Variants in LPAR4 observed in about 807,000 individuals in gnomAD.
LPAR4 encodes the protein G-protein coupled receptor 23.
LPAR4 carries 14 observed loss-of-function variants against 9.2 expected under a neutral mutation model. That is an observed-to-expected ratio of 1.51 (90% confidence interval 1.00 to 2.37). LPAR4 has a LOEUF of 2.37. Among genes scored for constraint, LPAR4 ranks in the 30% most tolerant of loss-of-function variants. The pLI is 0.00. For missense variants in LPAR4, 251 were observed against 272.1 expected (o/e 0.92, Z 0.55); for synonymous variants, 131 against 97.9 (o/e 1.34, Z -1.99).
chrX:78,749,681 G>A (rs985229311), intron 1 of LPAR4, among the ~76,000 whole-genome samples: 5 of 111,254 alleles, frequency 4.5e-5, no homozygotes, highest in African/African-American at 6.5e-5. Context: ...CTTAGCTTCC[G>A]GTATTAATTA....
In LPAR4 at chrX:78,757,256, G is replaced by A. The variant is rs892208983; in HGVS notation, c.*1274G>A. On this transcript the variant is annotated 3_prime_UTR_variant, in exon 5 of 5. Transcript: ENST00000614823. Reference sequence around the variant, plus strand: ...TTTGCATAACATTTTGAAGCACAACGCAGCTACCAAGTGGCTAAATTCGTC... The same window carrying A: ...TTTGCATAACATTTTGAAGCACAACACAGCTACCAAGTGGCTAAATTCGTC... 2.1e-4 allele frequency among the ~76,000 whole-genome samples: 23 copies of A among 111,550 alleles called. No homozygotes were observed. The highest frequency in any genetic ancestry group is 1.9e-3 in the Admixed American group (20 of 10,460).
intron 4 of LPAR4, among the ~76,000 whole-genome samples, chrX:78,752,296 A>G (rs759981048): frequency 8.0e-5 from 9 of 112,085 alleles, no homozygotes; most frequent in African/African-American, 2.9e-4. Context: ...TTCAAAAACT[A>G]TTATGAAGCA....
Position 78,754,984 on chromosome X carries a change from T to C in LPAR4, c.115T>C (p.Tyr39His). The change falls in exon 5 of 5, where the codon TAT becomes CAT. Residue 39 changes from tyrosine to histidine, a missense_variant. By Grantham distance (83) the Tyr-to-His change is moderately conservative. Coordinates refer to ENST00000614823, the MANE Select transcript of LPAR4 (RefSeq NM_001278000.3). ...TTGCATTGTTGATGATTCCTTCAAG[T>C]ATAATCTCAATGGTGCTGTCTACAG... ...NTCIVDDSFK[Y>H]NLNGAVYSVV... 1 of 1,210,163 alleles carries C rather than the reference T, an allele frequency of 8.3e-7. No individual in the cohort carries two copies.
In LPAR4 at chrX:78,756,002, G is replaced by T; in HGVS notation, c.*20G>T. ...TTTTAGGTATGAGAAATGTGTTCAG[G>T]TCCAGATATGGTTTCTCCTATAATT... On this transcript the variant is annotated 3_prime_UTR_variant, in exon 5 of 5. Transcript: ENST00000614823. 2 of 1,154,771 alleles carry T rather than the reference G, an allele frequency of 1.7e-6. No homozygotes were observed. Among genetic ancestry groups the T allele is most frequent in the Non-Finnish European group, 2.3e-6 (2 of 858,400 alleles).
intron 1 of LPAR4, among the ~76,000 whole-genome samples, chrX:78,748,611 C>T (rs954785043): frequency 1.8e-5 from 2 of 112,107 alleles, no homozygotes; most frequent in African/African-American, 6.5e-5. Flanking sequence ...TCTTTAAACT[C>T]TCTTCTTGTA....
intron 4 of LPAR4, 61 bp from the exon 5 acceptor site, chrX:78,754,730 T>C (rs1295769467): frequency 6.4e-6 from 3 of 468,798 alleles, no homozygotes; most frequent in Non-Finnish European, 1.0e-5. Flanking sequence ...GAATATCTTA[T>C]TACACAGAAA....
rs1208696247 is a variant in LPAR4 at position 78,748,048 on chromosome X, T to C, written c.-295+14T>C. On this transcript the variant is annotated intron_variant, in intron 1 of 4. Coordinates refer to ENST00000614823, the MANE Select transcript of LPAR4 (RefSeq NM_001278000.3). Reference sequence around the variant, plus strand: ...CTCTTTCTTGGGGTAAGTTTCTCTTTTAAAAAGATTTGATTTTGGCGTTTG... The same window carrying C: ...CTCTTTCTTGGGGTAAGTTTCTCTTCTAAAAAGATTTGATTTTGGCGTTTG... 2.7e-5 allele frequency: 3 copies of C among 110,980 alleles called. No individual in the cohort carries two copies. In the East Asian group the frequency reaches 8.4e-4, roughly 31 times the overall value. The allele number at this position is 110,980 out of a possible 1,213,427, so 9.1% of individuals were successfully genotyped here.
Position 78,755,611 on chromosome X carries a change from C to G in LPAR4, c.742C>G (p.Leu248Val), listed in dbSNP as rs756317590. 3.3e-6 allele frequency: 4 copies of G among 1,209,006 alleles called. No homozygotes were observed. In the African/African-American group the frequency reaches 7.0e-5, roughly 21 times the overall value. The change falls in exon 5 of 5, where the codon CTG becomes GTG. Residue 248 changes from leucine to valine, a missense_variant. Coordinates refer to ENST00000614823, the MANE Select transcript of LPAR4 (RefSeq NM_001278000.3). ...SQIGTNKKKV[L>V]KMITVHMAVF... ...AATTGGGACCAATAAGAAAAAAGTA[C>G]TGAAAATGATCACAGTACATATGGC...
In LPAR4 at chrX:78,755,959, T is replaced by C. The variant is rs200315972; in HGVS notation, c.1090T>C (p.Leu364=). The change falls in exon 5 of 5, where the codon TTA becomes CTA. Residue 364 remains leucine, a synonymous_variant. Transcript: ENST00000614823. ...SDQTTNNGGE[L]MLESTF ...TCAAACAACAAATAATGGTGGTGAA[T>C]TAATGCTAGAATCCACCTTTTAGGT... The C allele has an allele frequency of 6.6e-6, 8 of 1,204,594 alleles. No homozygotes were observed. The highest frequency in any genetic ancestry group is 7.8e-6 in the Non-Finnish European group (7 of 891,809).
At chrX:78,753,090 C>G (rs7061779) in intron 4 of LPAR4, among the ~76,000 whole-genome samples, 1,203 of 111,800 alleles carry the variant, frequency 0.011, 14 homozygotes, top group African/African-American at 0.038. Context: ...CCAACACTCT[C>G]TGACACCCTT....
Position 78,756,679 on chromosome X carries a change from C to T in LPAR4, c.*697C>T, listed in dbSNP as rs1925307660. On this transcript the variant is annotated 3_prime_UTR_variant, in exon 5 of 5. Transcript: ENST00000614823. ...TTCAAAGCCAGAAAGCTGCTAAATA[C>T]GTGTCTGGCAGGTAAAAGCTGGAAA... 2 of 122,459 alleles carry T rather than the reference C, an allele frequency of 1.6e-5. No homozygotes were observed. The highest frequency in any genetic ancestry group is 2.8e-4 in the East Asian group (1 of 3,559). 10.1% of individuals were successfully genotyped at this position (122,459 alleles called of 1,213,427 possible). A position where few individuals can be genotyped will look rare whatever the true frequency, so the allele number is the denominator to read the frequency against.
rs1454959629 is a variant in LPAR4 at position 78,758,492 on chromosome X, AGTTTT to A, written c.*2511_*2515del. Among the ~76,000 whole-genome samples, 1 of 111,565 alleles carries A rather than the reference AGTTTT, an allele frequency of 9.0e-6. No homozygotes were observed. The highest frequency in any genetic ancestry group is 2.8e-4 in the East Asian group (1 of 3,592). Reference sequence around the variant, plus strand: ...TGTTTCTTGTGTAATTTCCATGTTTAGTTTTAATTTTTTTATATTTCACTTCTCAA... The same window carrying A: ...TGTTTCTTGTGTAATTTCCATGTTTAAATTTTTTTATATTTCACTTCTCAA... On this transcript the variant is annotated 3_prime_UTR_variant, in exon 5 of 5. Coordinates refer to ENST00000614823, the MANE Select transcript of LPAR4 (RefSeq NM_001278000.3).
At position 78,754,867 on chromosome X, in the gene LPAR4, T is replaced by G. The variant is rs373161028; in HGVS notation, c.-3T>G. On this transcript the variant is annotated 5_prime_UTR_variant, in exon 5 of 5. Coordinates refer to ENST00000614823, the MANE Select transcript of LPAR4 (RefSeq NM_001278000.3). ...GCCAGCAGGCCTCCTGAAAAAAAAGTCCATGGGTGACAGAAGATTCATTGA... is the reference window on the plus strand; with the variant it reads ...GCCAGCAGGCCTCCTGAAAAAAAAGGCCATGGGTGACAGAAGATTCATTGA... 3 of 1,182,969 alleles carry G rather than the reference T, an allele frequency of 2.5e-6. No homozygotes were observed. Among genetic ancestry groups the G allele is most frequent in the Non-Finnish European group, 3.4e-6 (3 of 882,043 alleles).
intron 1 of LPAR4, 110 bp from the exon 2 acceptor site, chrX:78,750,064 G>A (rs889695100): frequency 8.9e-6 from 1 of 111,784 alleles, no homozygotes; most frequent in Admixed American, 9.5e-5. Flanking sequence ...TGAATAAAAG[G>A]TTTTTTGTAT....
In LPAR4 at chrX:78,755,557, A is replaced by G; in HGVS notation, c.688A>G (p.Thr230Ala). The change falls in exon 5 of 5, where the codon ACT becomes GCT. Residue 230 changes from threonine to alanine, a missense_variant. Thr to Ala is a moderately conservative substitution (Grantham distance 58). Coordinates refer to ENST00000614823, the MANE Select transcript of LPAR4 (RefSeq NM_001278000.3). ...NVSCSSVVLR[T>A]LRKPATLSQI... ...CTCTTGCTCTTCTGTGGTGCTGAGA[A>G]CTCTTCGCAAGCCTGCTACTCTGTC... is the stretch of plus-strand genomic sequence containing the variant. 8.3e-7 allele frequency: 1 copy of G among 1,208,175 alleles called. No homozygotes were observed. The highest frequency in any genetic ancestry group is 1.1e-6 in the Non-Finnish European group (1 of 893,163).
intron 1 of LPAR4, among the ~76,000 whole-genome samples, chrX:78,749,545 GT>G (rs1308919593): frequency 9.0e-6 from 1 of 111,216 alleles, no homozygotes; most frequent in Non-Finnish European, 1.9e-5. Context: ...GGTGGGAAGG[GT>G]TGAGGGTTGA....
intron 4 of LPAR4, among the ~76,000 whole-genome samples, chrX:78,754,449 C>T (rs2147503706): frequency 9.0e-6 from 1 of 111,513 alleles, no homozygotes; most frequent in South Asian, 3.7e-4. Context: ...AAGTTCAAGC[C>T]GATCATAGTG....
chrX:78,755,878 G>T lies in LPAR4; in HGVS notation c.1009G>T (p.Glu337Ter). The change falls in exon 5 of 5, where the codon GAA (glutamate) becomes TAA (stop). Residue 337 changes from glutamate (E) to a stop codon, truncating the protein, a stop_gained. Transcript: ENST00000614823. LOFTEE classifies it high-confidence loss of function. ...HIRMESLFKT[E>*]TPLTTKPSLP... ...CAGAATGGAGTCCCTGTTTAAGACT[G>T]AAACACCTTTGACCACAAAGCCTTC... The T allele has an allele frequency of 8.3e-7, 1 of 1,208,806 alleles. No individual in the cohort carries two copies. The highest frequency in any genetic ancestry group is 1.1e-6 in the Non-Finnish European group (1 of 893,033).
At chrX:78,750,950 G>A (rs1453998315) in intron 3 of LPAR4, among the ~76,000 whole-genome samples, 158 bp downstream of exon 3, 1 of 110,658 alleles carries the variant, frequency 9.0e-6, no homozygotes, top group Non-Finnish European at 1.9e-5. Flanking sequence ...CTAGTGTTTA[G>A]TCAATACTAC....
Sources: gnomAD v4.1 joint callset for allele counts (sites outside exome capture counted in the v4.1 genomes callset) on GRCh38, gnomAD v4.1.1 for gene constraint, MANE v1.5 for transcripts, NCBI Gene and HGNC (gene_info 2026-07-23, HGNC 2026-07-21) for gene names.